Variants in SCHIP1 observed in about 807,000 individuals in gnomAD.
SCHIP1 encodes the protein schwannomin interacting protein 1.
In SCHIP1, 8 loss-of-function variants were observed where a neutral mutation model predicts 29.7. That is an observed-to-expected ratio of 0.27 (90% CI 0.16 to 0.49). The LOEUF (loss-of-function observed/expected upper bound fraction) is 0.49. Ranked by LOEUF, SCHIP1 falls within the 20% of genes least tolerant of loss-of-function variation. The pLI is 0.99. For missense variants in SCHIP1, 193 were observed against 294.6 expected (o/e 0.66, Z 2.52); for synonymous variants, 76 against 94.9 (o/e 0.80, Z 1.16).
At chr3:159,500,074 A>T in the SCHIP1 span, among the ~76,000 whole-genome samples, 5 of 152,112 alleles carry the variant, frequency 3.3e-5, no homozygotes, top group Non-Finnish European at 5.9e-5. Context: ...GTAGAACTGA[A>T]ATATTGAAGT....
the SCHIP1 span, among the ~76,000 whole-genome samples, chr3:159,727,209 G>A: frequency 1.3e-5 from 2 of 152,216 alleles, no homozygotes; most frequent in South Asian, 2.1e-4. Flanking sequence ...AGAAAGATGT[G>A]AGCAGCTTAA....
At chr3:159,682,832 T>C in the SCHIP1 span, among the ~76,000 whole-genome samples, 190 of 152,326 alleles carry the variant, frequency 1.2e-3, no homozygotes, top group African/African-American at 4.5e-3. Context: ...ATGCCTTCAA[T>C]GTAATGTAGT....
chr3:159,847,885 C>A (rs976032824), intron 1 of SCHIP1, among the ~76,000 whole-genome samples: 2 of 152,024 alleles, frequency 1.3e-5, no homozygotes, highest in African/African-American at 4.8e-5. Flanking sequence ...TTTAGATGAA[C>A]TTTGCACAGA....
chr3:159,462,966 A>G, the SCHIP1 span, among the ~76,000 whole-genome samples: 3 of 152,114 alleles, frequency 2.0e-5, no homozygotes, highest in African/African-American at 7.2e-5. Flanking sequence ...TGTTCAATGG[A>G]ATACAGTTCA....
At chr3:159,828,020 A>T in the SCHIP1 span, among the ~76,000 whole-genome samples, 1 of 150,510 alleles carries the variant, frequency 6.6e-6, no homozygotes, top group African/African-American at 2.4e-5. Flanking sequence ...TTGAAATCTA[A>T]TTTTTTTTTG....
chr3:159,304,437 G>A, the SCHIP1 span, among the ~76,000 whole-genome samples: 4 of 152,030 alleles, frequency 2.6e-5, no homozygotes, highest in African/African-American at 7.2e-5. Flanking sequence ...ATTATACTTC[G>A]TTAATATTTC....
chr3:159,406,310 G>A, the SCHIP1 span, among the ~76,000 whole-genome samples: 1 of 152,126 alleles, frequency 6.6e-6, no homozygotes, highest in East Asian at 1.9e-4. Flanking sequence ...GGAGAAGGTG[G>A]CATGACATAT....
the SCHIP1 span, among the ~76,000 whole-genome samples, chr3:159,633,986 C>T: frequency 6.6e-6 from 1 of 152,064 alleles, no homozygotes; most frequent in African/African-American, 2.4e-5. Flanking sequence ...GAACACTAGT[C>T]AACTTAGTAG....
the SCHIP1 span, among the ~76,000 whole-genome samples, chr3:159,824,381 G>T: frequency 6.6e-6 from 1 of 152,174 alleles, no homozygotes; most frequent in Non-Finnish European, 1.5e-5. Flanking sequence ...AATAACATGG[G>T]CAGGGCAGGC....
At chr3:159,879,536 A>C (rs1716225320) in intron 2 of SCHIP1, among the ~76,000 whole-genome samples, 1 of 152,150 alleles carries the variant, frequency 6.6e-6, no homozygotes, top group Non-Finnish European at 1.5e-5. Context: ...CAGAATACAG[A>C]TTACTTGGAA....
At chr3:159,383,010 C>T in the SCHIP1 span, among the ~76,000 whole-genome samples, 33 of 149,966 alleles carry the variant, frequency 2.2e-4, no homozygotes, top group African/African-American at 7.4e-4. Flanking sequence ...GATATTAGCC[C>T]TTTGTCAGAT....
chr3:159,502,337 G>C, the SCHIP1 span, among the ~76,000 whole-genome samples: 3 of 152,120 alleles, frequency 2.0e-5, no homozygotes, highest in African/African-American at 7.2e-5. Context: ...TGGGTGTCTG[G>C]CACATTGTTT....
chr3:159,746,007 T>TA, the SCHIP1 span, among the ~76,000 whole-genome samples: 1 of 152,146 alleles, frequency 6.6e-6, no homozygotes, highest in Non-Finnish European at 1.5e-5. Flanking sequence ...TGGGGGTAAT[T>TA]ACAATGAGCA....
chr3:159,394,750 C>T, the SCHIP1 span, among the ~76,000 whole-genome samples: 1 of 152,214 alleles, frequency 6.6e-6, no homozygotes, highest in Non-Finnish European at 1.5e-5. Flanking sequence ...CATCAATATT[C>T]ATCAAGGATA....
chr3:159,454,165 A>G, the SCHIP1 span, among the ~76,000 whole-genome samples: 1 of 152,242 alleles, frequency 6.6e-6, no homozygotes, highest in Non-Finnish European at 1.5e-5. Context: ...GGGGAACCTG[A>G]AAAGAATAAC....
At chr3:159,507,319 T>A in the SCHIP1 span, among the ~76,000 whole-genome samples, 1 of 152,200 alleles carries the variant, frequency 6.6e-6, no homozygotes, top group African/African-American at 2.4e-5. Context: ...ATTGATTTTG[T>A]ATCCTGAGAC....
At chr3:159,295,279 A>AAC in the SCHIP1 span, among the ~76,000 whole-genome samples, 16 of 144,322 alleles carry the variant, frequency 1.1e-4, no homozygotes, top group African/African-American at 3.9e-4. Context: ...AAAAAAAACA[A>AAC]CTAGCCAGGC....
chr3:159,576,026 G>T, the SCHIP1 span, among the ~76,000 whole-genome samples: 3 of 152,038 alleles, frequency 2.0e-5, no homozygotes, highest in Non-Finnish European at 4.4e-5. Flanking sequence ...GCCTTTGGAA[G>T]TTCATTCAGT....
At chr3:159,531,407 T>C in the SCHIP1 span, among the ~76,000 whole-genome samples, 1 of 152,228 alleles carries the variant, frequency 6.6e-6, no homozygotes, top group Admixed American at 6.5e-5. Flanking sequence ...CCAGTCCCAC[T>C]ATCAAACACT....
Sources: allele counts gnomAD v4.1 joint callset (sites outside exome capture counted in the v4.1 genomes callset), GRCh38; gene constraint gnomAD v4.1.1; transcripts MANE v1.5; gene names NCBI Gene and HGNC (gene_info 2026-07-23, HGNC 2026-07-21).